The following ZNF559 variants were observed in gnomAD, a reference collection of about 807,000 sequenced individuals.
The protein encoded by ZNF559 is putative protein product of Nbla00121.
A neutral mutation model predicts 14.2 loss-of-function variants in ZNF559; 17 were observed. That is an observed-to-expected ratio of 1.20 (90% CI 0.82 to 1.80). The LOEUF (loss-of-function observed/expected upper bound fraction) is 1.80, where lower values mean the gene tolerates loss of function less well. ZNF559 is among the 40% of genes most tolerant of loss of function. ZNF559 has a pLI of 0.00. For missense variants in ZNF559, 740 were observed against 629.7 expected (o/e 1.18, Z -1.88); for synonymous variants, 244 against 212.4 (o/e 1.15, Z -1.29).
Position 9,343,175 on chromosome 19 carries a change from G to C in ZNF559, c.*107G>C. The C allele has an allele frequency of 6.7e-7, 1 of 1,501,718 alleles. No individual in the cohort carries two copies. Among genetic ancestry groups the C allele is most frequent in the Non-Finnish European group, 8.8e-7 (1 of 1,134,174 alleles). The allele number at this position is 1,501,718 out of a possible 1,614,324, so 93.0% of individuals were successfully genotyped here. A position where few individuals can be genotyped will look rare whatever the true frequency, so the allele number is the denominator to read the frequency against. The stretch of plus-strand genomic sequence containing the variant: ...ATGTACACAGTCATAAGGAATGTGG[G>C]AAGCCTTCCTTGGTGTCTCAGATCT... On this transcript the variant is annotated 3_prime_UTR_variant, in exon 7 of 7. Transcript: ENST00000603380.
Position 9,342,977 on chromosome 19 carries a change from T to C in ZNF559, c.1526T>C (p.Ile509Thr), listed in dbSNP as rs767126906. 3 of 1,614,208 alleles carry C rather than the reference T, an allele frequency of 1.9e-6. No individual in the cohort carries two copies. The highest frequency in any genetic ancestry group is 2.5e-6 in the Non-Finnish European group (3 of 1,180,032). The change falls in exon 7 of 7, where the codon ATT becomes ACT. Residue 509 changes from isoleucine (I) to threonine (T), a missense_variant. Ile to Thr is a moderately conservative substitution (Grantham distance 89, BLOSUM62 -1). Transcript: ENST00000603380. ...GCCTTTACTCGGTCCACATATCTTA[T>C]TCGACATCTAAGAAGTCATAGTGTG... Reference protein sequence around the residue: ...GKAFTRSTYLIRHLRSHSVEK... With the variant: ...GKAFTRSTYLTRHLRSHSVEK...
Position 9,324,678 on chromosome 19 carries a change from T to G in ZNF559, c.-205-17T>G. 1 of 1,466,810 alleles carries G rather than the reference T, an allele frequency of 6.8e-7. No individual in the cohort carries two copies. Among genetic ancestry groups the G allele is most frequent in the South Asian group, 1.2e-5 (1 of 81,442 alleles). The allele number at this position is 1,466,810 out of a possible 1,614,324, so 90.9% of individuals were successfully genotyped here. A position where few individuals can be genotyped will look rare whatever the true frequency, so the allele number is the denominator to read the frequency against. Reference sequence around the variant, plus strand: ...AAAAAAGTCTCCACATCCAGCGTTGTGCCTTTTCTCTATAAGGAACAGCAT... The same window carrying G: ...AAAAAAGTCTCCACATCCAGCGTTGGGCCTTTTCTCTATAAGGAACAGCAT... On this transcript the variant is annotated splice_polypyrimidine_tract_variant and intron_variant, in intron 1 of 6. Transcript: ENST00000603380.
intron 2 of ZNF559, among the ~76,000 whole-genome samples, chr19:9,327,574 C>CA (rs1457835529): frequency 2.6e-5 from 4 of 152,180 alleles, no homozygotes; most frequent in Non-Finnish European, 5.9e-5. Flanking sequence ...TAACATCACT[C>CA]AGTCATCTTC....
At chr19:9,339,934 A>ATTTTTTTT (rs545536064) in intron 5 of ZNF559, among the ~76,000 whole-genome samples, 562 of 86,334 alleles carry the variant, frequency 6.5e-3, no homozygotes, top group Non-Finnish European at 7.4e-3. Context: ...ACGCCTGGCT[A>ATTTTTTTT]TTTTTTTTTT....
chr19:9,328,377 C>CTTTTTT, intron 2 of ZNF559, among the ~76,000 whole-genome samples: 1 of 86,182 alleles, frequency 1.2e-5, no homozygotes, highest in Non-Finnish European at 2.1e-5. Context: ...TTTTTTGAGA[C>CTTTTTT]GGAGTTTTTG....
chr19:9,342,359 G>C lies in ZNF559; in HGVS notation c.908G>C (p.Gly303Ala), dbSNP rs1038431738. The part of the protein sequence containing the change: ...RGKHYVCNEC[G>A]KEFTCFSKLN... ...AAACACTATGTTTGTAATGAATGTG[G>C]CAAAGAATTTACTTGTTTCTCAAAA... The change falls in exon 7 of 7, where the codon GGC becomes GCC. Residue 303 changes from glycine to alanine, a missense_variant. By Grantham distance (60) the Gly-to-Ala change is moderately conservative (BLOSUM62 0). Transcript: ENST00000603380. 1 of 1,608,340 alleles carries C rather than the reference G, an allele frequency of 6.2e-7. No individual in the cohort carries two copies.
At chr19:9,328,264 A>G (rs986584203) in intron 2 of ZNF559, among the ~76,000 whole-genome samples, 2 of 151,294 alleles carry the variant, frequency 1.3e-5, no homozygotes. Context: ...TACTAAGGAT[A>G]TAAAGTTCAA....
intron 2 of ZNF559, among the ~76,000 whole-genome samples, chr19:9,331,205 G>A (rs911905752): frequency 3.9e-5 from 6 of 152,144 alleles, no homozygotes; most frequent in Admixed American, 1.3e-4. Flanking sequence ...GAGGTCAGGA[G>A]GTCAAGTAGC....
At position 9,342,706 on chromosome 19, in the gene ZNF559, A is replaced by G. The variant is rs2067639073; in HGVS notation, c.1255A>G (p.Ile419Val). 4.3e-6 allele frequency: 7 copies of G among 1,614,132 alleles called. No homozygotes were observed. Among genetic ancestry groups the G allele is most frequent in the Non-Finnish European group, 5.9e-6 (7 of 1,180,054 alleles). The change falls in exon 7 of 7, where the codon ATT (isoleucine) becomes GTT (valine). Residue 419 changes from isoleucine to valine, a missense_variant. By Grantham distance (29) the Ile-to-Val change is conservative. Coordinates refer to ENST00000603380, the MANE Select transcript of ZNF559 (RefSeq NM_032497.3). ...CTGTCAACAGTGTGGGAAAGCCTTCATTCGATCCTCATTTCTTATTCGACA... is the reference window on the plus strand; with the variant it reads ...CTGTCAACAGTGTGGGAAAGCCTTCGTTCGATCCTCATTTCTTATTCGACA... The part of the protein sequence containing the change: ...YDCQQCGKAF[I>V]RSSFLIRHLR...
Position 9,342,368 on chromosome 19 carries a change from T to G in ZNF559, c.917T>G (p.Phe306Cys). The part of the protein sequence containing the change: ...HYVCNECGKE[F>C]TCFSKLNIHI... The stretch of plus-strand genomic sequence containing the variant: ...GTTTGTAATGAATGTGGCAAAGAAT[T>G]TACTTGTTTCTCAAAACTCAACATT... The change falls in exon 7 of 7, where the codon TTT becomes TGT. Residue 306 changes from phenylalanine to cysteine, a missense_variant. Phe to Cys is a radical substitution (Grantham distance 205, BLOSUM62 -2). Transcript: ENST00000603380. The G allele has an allele frequency of 6.2e-7, 1 of 1,609,798 alleles. No homozygotes were observed. Among genetic ancestry groups the G allele is most frequent in the Admixed American group, 1.7e-5 (1 of 59,386 alleles).
intron 2 of ZNF559, among the ~76,000 whole-genome samples, chr19:9,333,337 G>A (rs940725513): frequency 1.3e-5 from 2 of 152,114 alleles, no homozygotes; most frequent in African/African-American, 4.8e-5. Context: ...AAGTCAAAGG[G>A]TAAATACATA....
chr19:9,344,124 A>T lies in ZNF559; in HGVS notation c.*1056A>T, dbSNP rs1216544437. 1 of 152,058 alleles carries T rather than the reference A, an allele frequency of 6.6e-6. No homozygotes were observed. Among genetic ancestry groups the T allele is most frequent in the Admixed American group, 6.6e-5 (1 of 15,250 alleles). The allele number at this position is 152,058 out of a possible 1,614,324, so 9.4% of individuals were successfully genotyped here. ...CCAGGCATGGTGGTACGTGCCTGTA[A>T]TCCCAGCTACTCGAGAGGTTGAGGC... is the stretch of plus-strand genomic sequence containing the variant. On this transcript the variant is annotated 3_prime_UTR_variant, in exon 7 of 7. Coordinates refer to ENST00000603380, the MANE Select transcript of ZNF559 (RefSeq NM_032497.3).
rs1247594221 is a variant in ZNF559 at position 9,339,750 on chromosome 19, C to T, written c.160+431C>T. ...CTCTTAACATGGAAGCATTTGTTAT[C>T]CCTTGCACATTCTTTACTTTTTTTT... On this transcript the variant is annotated intron_variant, in intron 5 of 6. Coordinates refer to ENST00000603380, the MANE Select transcript of ZNF559 (RefSeq NM_032497.3). Among the ~76,000 whole-genome samples, 12 of 147,634 alleles carry T rather than the reference C, an allele frequency of 8.1e-5. No homozygotes were observed. In the Admixed American group the frequency reaches 8.3e-4, roughly 10 times the overall value.
Position 9,342,380 on chromosome 19 carries a change from C to T in ZNF559, c.929C>T (p.Ser310Leu). ...TGTGGCAAAGAATTTACTTGTTTCTCAAAACTCAACATTCACATAAGGGTT... is the reference window on the plus strand; with the variant it reads ...TGTGGCAAAGAATTTACTTGTTTCTTAAAACTCAACATTCACATAAGGGTT... Reference protein sequence around the residue: ...NECGKEFTCFSKLNIHIRVHT... With the variant: ...NECGKEFTCFLKLNIHIRVHT... Residue 310 changes from serine (S) to leucine (L), a missense_variant, in exon 7 of 7, where the codon TCA (serine) becomes TTA (leucine). Ser to Leu is a moderately radical substitution (Grantham distance 145, BLOSUM62 -2). Transcript: ENST00000603380. 6.2e-7 allele frequency: 1 copy of T among 1,610,464 alleles called. No homozygotes were observed. Among genetic ancestry groups the T allele is most frequent in the Non-Finnish European group, 8.5e-7 (1 of 1,178,428 alleles).
intron 2 of ZNF559, among the ~76,000 whole-genome samples, chr19:9,334,480 C>T (rs1318128785): frequency 6.6e-6 from 1 of 151,928 alleles, no homozygotes; most frequent in Non-Finnish European, 1.5e-5. Flanking sequence ...AATGTTGAAT[C>T]AAAAAAGCTA....
At chr19:9,340,584 AAAAAAAAG>A (rs1339372221) in intron 5 of ZNF559, among the ~76,000 whole-genome samples, 3 of 134,832 alleles carry the variant, frequency 2.2e-5, no homozygotes, top group Admixed American at 7.7e-5. Flanking sequence ...AAAAAAAAAA[AAAAAAAAG>A]AGTCTTGCTC....
chr19:9,328,537 G>A (rs2066762075), intron 2 of ZNF559, among the ~76,000 whole-genome samples: 1 of 151,632 alleles, frequency 6.6e-6, no homozygotes, highest in Non-Finnish European at 1.5e-5. Flanking sequence ...TATTTTAGTA[G>A]AGACGAGCTT....
In ZNF559 at chr19:9,342,274, G is replaced by A; in HGVS notation, c.823G>A (p.Gly275Ser). ...GTTACCTATAGAACATAAGAAATTT[G>A]GCAAAGCCTTTGCTTTTTCCCCAGA... Reference protein sequence around the residue: ...RVLPIEHKKFGKAFAFSPDLA... With the variant: ...RVLPIEHKKFSKAFAFSPDLA... Residue 275 changes from glycine to serine, a missense_variant, in exon 7 of 7, where the codon GGC (glycine) becomes AGC (serine). Physicochemically the swap from Gly to Ser is moderately conservative, Grantham distance 56. Coordinates refer to ENST00000603380, the MANE Select transcript of ZNF559 (RefSeq NM_032497.3). The A allele has an allele frequency of 6.3e-7, 1 of 1,584,618 alleles. No individual in the cohort carries two copies. Among genetic ancestry groups the A allele is most frequent in the Non-Finnish European group, 8.5e-7 (1 of 1,169,952 alleles).
At position 9,343,012 on chromosome 19, in the gene ZNF559, T is replaced by C; in HGVS notation, c.1561T>C (p.Tyr521His). The change falls in exon 7 of 7, where the codon TAT becomes CAT. Residue 521 changes from tyrosine (Y) to histidine (H), a missense_variant. Physicochemically the swap from Tyr to His is moderately conservative, Grantham distance 83. Coordinates refer to ENST00000603380, the MANE Select transcript of ZNF559 (RefSeq NM_032497.3). ...HLRSHSVEKP[Y>H]KECGQTFSNS... ...AAGAAGTCATAGTGTGGAGAAACCA[T>C]ATAAGGAATGTGGGCAAACCTTTAG... 3.7e-6 allele frequency: 6 copies of C among 1,614,136 alleles called. No homozygotes were observed. The highest frequency in any genetic ancestry group is 5.1e-6 in the Non-Finnish European group (6 of 1,180,008).
Sources: gnomAD v4.1 joint callset for allele counts (sites outside exome capture counted in the v4.1 genomes callset) on GRCh38, gnomAD v4.1.1 for gene constraint, MANE v1.5 for transcripts, NCBI Gene and HGNC (gene_info 2026-07-23, HGNC 2026-07-21) for gene names.